Variants in FAXC observed in about 807,000 individuals in gnomAD.
FAXC encodes the protein failed axon connections homolog, metaxin like GST domain containing.
In FAXC, 10 loss-of-function variants were observed where a neutral mutation model predicts 41.9. The ratio of observed to expected loss-of-function variants is 0.24; its 90% CI spans 0.15 to 0.41. The LOEUF (loss-of-function observed/expected upper bound fraction) is 0.41, where lower values mean the gene tolerates loss of function less well. Ranked by LOEUF, FAXC falls within the 10% of genes least tolerant of loss-of-function variation. The pLI, the probability that FAXC is intolerant of heterozygous loss-of-function variation, is 1.00. For synonymous variants in FAXC, 183 were observed against 183.8 expected (o/e 1.00, Z 0.03); for missense variants, 399 against 510.9 (o/e 0.78, Z 2.11).
intron 2 of FAXC, among the ~76,000 whole-genome samples, chr6:99,338,747 C>T (rs1052923209): frequency 6.6e-6 from 1 of 152,164 alleles, no homozygotes; most frequent in Non-Finnish European, 1.5e-5. Context: ...AGCTGAACAA[C>T]GATCTTTCAA....
chr6:99,293,713 T>TGC (rs1554198485), intron 4 of FAXC, among the ~76,000 whole-genome samples: 1 of 100,066 alleles, frequency 1.0e-5, no homozygotes, highest in Admixed American at 9.8e-5. Context: ...TGTGTGTGTG[T>TGC]CTGTGTGTGT....
At chr6:99,293,358 C>G (rs143762059) in intron 4 of FAXC, among the ~76,000 whole-genome samples, 1 of 152,158 alleles carries the variant, frequency 6.6e-6, no homozygotes, top group Admixed American at 6.5e-5. Flanking sequence ...TCTCTGCCCC[C>G]ACAACTTATA....
At chr6:99,339,665 C>T (rs1401938411) in intron 2 of FAXC, among the ~76,000 whole-genome samples, 1 of 152,034 alleles carries the variant, frequency 6.6e-6, no homozygotes, top group African/African-American at 2.4e-5. Flanking sequence ...GAATAAGGAA[C>T]ACAATAGATG....
chr6:99,291,618 A>G (rs1771243285), intron 5 of FAXC, 86 bp downstream of exon 5: 1 of 926,672 alleles, frequency 1.1e-6, no homozygotes, highest in South Asian at 1.4e-5. Flanking sequence ...AGACGAAAGC[A>G]TTGGTCTAGA....
chr6:99,303,794 G>A (rs1771807478), intron 4 of FAXC, among the ~76,000 whole-genome samples: 1 of 152,196 alleles, frequency 6.6e-6, no homozygotes, highest in Non-Finnish European at 1.5e-5. Flanking sequence ...GAGTCTAAGA[G>A]GTGCCTGTGC....
At chr6:99,321,613 T>C (rs1772589794) in intron 4 of FAXC, among the ~76,000 whole-genome samples, 2 of 152,214 alleles carry the variant, frequency 1.3e-5, no homozygotes, top group Non-Finnish European at 1.5e-5. Flanking sequence ...CAGCTTCTCA[T>C]CCCAGAAAAT....
Position 99,315,232 on chromosome 6 carries a change from T to TAAAAA in FAXC, c.823+8207_823+8211dup, listed in dbSNP as rs1174982279. On this transcript the variant is annotated intron_variant, in intron 4 of 5. Coordinates refer to ENST00000389677, the MANE Select transcript of FAXC (RefSeq NM_032511.4). ...TGGGCAACTGAGCAACACTCCATCTTAAAAAAAAAAAAAAAAAAAAAAAAA... is the reference window on the plus strand; with the variant it reads ...TGGGCAACTGAGCAACACTCCATCTTAAAAAAAAAAAAAAAAAAAAAAAAAAAAAA... Among the ~76,000 whole-genome samples the TAAAAA allele has an allele frequency of 3.7e-3, 149 of 40,494 alleles. 14 individuals carry two copies. Among genetic ancestry groups the TAAAAA allele is most frequent in the African/African-American group, 0.019 (133 of 7,118 alleles). 26.6% of individuals were successfully genotyped at this position (40,494 alleles called of 152,430 possible).
At position 99,286,668 on chromosome 6, in the gene FAXC, G is replaced by C. The variant is rs992559579; in HGVS notation, c.940+5036C>G. 7.9e-5 allele frequency among the ~76,000 whole-genome samples: 12 copies of C among 152,154 alleles called. No homozygotes were observed. In the South Asian group the frequency reaches 8.3e-4, roughly 11 times the overall value. ...CGCTGCAGAGCTCTTGACCCATCATGGCTTCAATTTCACTTTTCTCAGCTT... is the reference window on the plus strand; with the variant it reads ...CGCTGCAGAGCTCTTGACCCATCATCGCTTCAATTTCACTTTTCTCAGCTT... On this transcript the variant is annotated intron_variant, in intron 5 of 5. Transcript: ENST00000389677.
chr6:99,294,782 C>A (rs932249720), intron 4 of FAXC, among the ~76,000 whole-genome samples: 2 of 151,812 alleles, frequency 1.3e-5, no homozygotes, highest in Non-Finnish European at 2.9e-5. Context: ...ATTTGGAAAA[C>A]CTAGAAATAG....
intron 4 of FAXC, among the ~76,000 whole-genome samples, chr6:99,321,288 C>T (rs1456678713): frequency 6.6e-6 from 1 of 152,132 alleles, no homozygotes; most frequent in Non-Finnish European, 1.5e-5. Context: ...CAACCATGGA[C>T]AATTATTTCC....
intron 3 of FAXC, among the ~76,000 whole-genome samples, chr6:99,329,961 C>T (rs1432645404): frequency 2.6e-5 from 4 of 151,456 alleles, no homozygotes; most frequent in South Asian, 4.2e-4. Context: ...TGCAGTAGCG[C>T]GATCACGGCT....
intron 4 of FAXC, among the ~76,000 whole-genome samples, chr6:99,312,238 A>C (rs1283621361): frequency 1.3e-5 from 2 of 152,216 alleles, no homozygotes; most frequent in Non-Finnish European, 2.9e-5. Flanking sequence ...AAGAGGGTGC[A>C]AGGTGAGCTC....
Position 99,303,134 on chromosome 6 carries a change from C to G in FAXC, c.824-11314G>C, listed in dbSNP as rs149656962. Among the ~76,000 whole-genome samples the G allele has an allele frequency of 3.9e-5, 6 of 152,334 alleles. No homozygotes were observed. In the East Asian group the frequency reaches 1.2e-3, roughly 29 times the overall value. ...TTAAATAGGCAATGCTAAATAACCT[C>G]TCCGACAAGTGAACTAAGTCCTTTG... is the stretch of plus-strand genomic sequence containing the variant. On this transcript the variant is annotated intron_variant, in intron 4 of 5. Transcript: ENST00000389677.
Position 99,279,625 on chromosome 6 carries a change from A to G in FAXC, c.*1539T>C, listed in dbSNP as rs1217220230. ...CTCTCCTAGCCCAAATCTCACAGCC[A>G]TCACCCAGGATCTCTGCCCCATATT... On this transcript the variant is annotated 3_prime_UTR_variant, in exon 6 of 6. Transcript: ENST00000389677. 5.9e-5 allele frequency: 9 copies of G among 152,160 alleles called. No homozygotes were observed. The highest frequency in any genetic ancestry group is 5.9e-4 in the Admixed American group (9 of 15,252). The allele number at this position is 152,160 out of a possible 1,614,324, so 9.4% of individuals were successfully genotyped here.
intron 3 of FAXC, among the ~76,000 whole-genome samples, chr6:99,330,157 G>A (rs979384385): frequency 1.3e-5 from 2 of 151,966 alleles, no homozygotes; most frequent in Non-Finnish European, 2.9e-5. Flanking sequence ...ACCACGACTG[G>A]CCCTAATGCC....
intron 2 of FAXC, 125 bp downstream of exon 2, chr6:99,342,773 C>T: frequency 2.5e-6 from 2 of 797,376 alleles, no homozygotes; most frequent in Non-Finnish European, 3.9e-6. Flanking sequence ...GGATTAGGCA[C>T]TGCTAGTTTC....
chr6:99,317,627 T>A (rs776347955), intron 4 of FAXC, among the ~76,000 whole-genome samples: 1 of 152,212 alleles, frequency 6.6e-6, no homozygotes, highest in Non-Finnish European at 1.5e-5. Context: ...TGTGTGATTG[T>A]TGGCAAGTCA....
chr6:99,347,790 C>G (rs1172519902), intron 1 of FAXC, among the ~76,000 whole-genome samples: 1 of 152,222 alleles, frequency 6.6e-6, no homozygotes, highest in African/African-American at 2.4e-5. Flanking sequence ...AGCTTGAAAT[C>G]TAACTTGAAA....
At chr6:99,303,305 C>A (rs1426920523) in intron 4 of FAXC, among the ~76,000 whole-genome samples, 1 of 152,202 alleles carries the variant, frequency 6.6e-6, no homozygotes, top group East Asian at 1.9e-4. Context: ...TAGTACCCAG[C>A]CCAGTGCCCA....
Sources: allele counts gnomAD v4.1 joint callset (sites outside exome capture counted in the v4.1 genomes callset), GRCh38; gene constraint gnomAD v4.1.1; transcripts MANE v1.5; gene names NCBI Gene and HGNC (gene_info 2026-07-23, HGNC 2026-07-21).